The following RYR2 variants were observed in gnomAD, a reference collection of about 807,000 sequenced individuals.
The protein encoded by RYR2 is cardiac muscle ryanodine receptor-calcium release channel.
RYR2 carries 227 observed loss-of-function variants against 601.1 expected under a neutral mutation model. The observed-to-expected ratio is 0.38, with a 90% CI of 0.34 to 0.42. The LOEUF is 0.42. Ranked by LOEUF, RYR2 falls within the 10% of genes least tolerant of loss-of-function variation. RYR2 has a pLI of 1.00. For synonymous variants in RYR2, 2,223 were observed against 2,175.1 expected (o/e 1.02, Z -0.61); for missense variants, 4,646 against 6,156.5 (o/e 0.75, Z 8.21).
intron 1 of RYR2, among the ~76,000 whole-genome samples, chr1:237,065,313 A>G (rs1663450059): frequency 9.3e-6 from 1 of 107,324 alleles, no homozygotes; most frequent in Non-Finnish European, 1.7e-5. Flanking sequence ...GGAGTCTTGC[A>G]TTGTCGCCCA....
At chr1:237,563,985 A>G (rs1395509611) in intron 27 of RYR2, among the ~76,000 whole-genome samples, 3 of 152,144 alleles carry the variant, frequency 2.0e-5, no homozygotes, top group Admixed American at 2.0e-4. Context: ...TAGGAGTTAC[A>G]TCTATTAATG....
At position 237,433,036 on chromosome 1, in the gene RYR2, G is replaced by C. The variant is rs531231722; in HGVS notation, c.1006-8283G>C. Among the ~76,000 whole-genome samples, 602 of 146,110 alleles carry C rather than the reference G, an allele frequency of 4.1e-3. 2 individuals carry two copies. The highest frequency in any genetic ancestry group is 6.4e-3 in the Non-Finnish European group (434 of 67,348). On this transcript the variant is annotated intron_variant, in intron 12 of 104. Transcript: ENST00000366574. ...TAAAATGTTTAGGTGACTGTGTGTG[G>C]GGGGGGGTATCTTAAAGAAAAGAAC...
intron 1 of RYR2, among the ~76,000 whole-genome samples, chr1:237,170,172 A>T (rs188522592): frequency 3.0e-4 from 45 of 152,328 alleles, no homozygotes; most frequent in Admixed American, 2.6e-3. Context: ...GGAATTTGGG[A>T]GTAAAAAGGA....
intron 19 of RYR2, among the ~76,000 whole-genome samples, chr1:237,495,584 G>T (rs1199308491): frequency 6.6e-6 from 1 of 152,176 alleles, no homozygotes; most frequent in African/African-American, 2.4e-5. Flanking sequence ...TGCCGTTTAT[G>T]AGTGATATGT....
chr1:237,688,181 A>G (rs937209936), intron 63 of RYR2, among the ~76,000 whole-genome samples: 3 of 152,212 alleles, frequency 2.0e-5, no homozygotes, highest in Non-Finnish European at 4.4e-5. Context: ...GGCTGGTGGA[A>G]TTTGTGTTTC....
intron 1 of RYR2, among the ~76,000 whole-genome samples, chr1:237,171,488 C>A (rs1482583523): frequency 6.6e-6 from 1 of 152,052 alleles, no homozygotes; most frequent in Non-Finnish European, 1.5e-5. Flanking sequence ...AATCAGAATG[C>A]CTTTGATTTA....
At chr1:237,492,907 A>C in intron 18 of RYR2, 47 bp from the exon 19 acceptor site, 3 of 1,031,474 alleles carry the variant, frequency 2.9e-6, no homozygotes, top group Non-Finnish European at 3.8e-6. Context: ...GAGGGAGGGA[A>C]AGCAGGGAGG....
chr1:237,218,825 G>T (rs769885934), intron 1 of RYR2, among the ~76,000 whole-genome samples: 3 of 152,060 alleles, frequency 2.0e-5, no homozygotes, highest in Non-Finnish European at 4.4e-5. Flanking sequence ...GAGTCAGAGA[G>T]ACCTTAGCCT....
intron 44 of RYR2, among the ~76,000 whole-genome samples, chr1:237,637,604 C>T (rs766889001): frequency 1.6e-4 from 24 of 152,132 alleles, no homozygotes; most frequent in Non-Finnish European, 2.4e-4. Flanking sequence ...TTTTTCTCTA[C>T]GTATTTTCTC....
intron 1 of RYR2, among the ~76,000 whole-genome samples, chr1:237,256,477 C>G (rs1283627366): frequency 1.3e-5 from 2 of 152,146 alleles, no homozygotes; most frequent in Non-Finnish European, 2.9e-5. Flanking sequence ...AAGCTCCCTA[C>G]AAAGTCATCA....
chr1:237,792,960 T>G (rs1157297314), intron 94 of RYR2, among the ~76,000 whole-genome samples: 1 of 152,200 alleles, frequency 6.6e-6, no homozygotes, highest in African/African-American at 2.4e-5. Flanking sequence ...TAATGCAGCT[T>G]TATCCCCAGA....
chr1:237,809,227 C>T (rs1660999226), intron 100 of RYR2, among the ~76,000 whole-genome samples, 192 bp downstream of exon 100: 1 of 152,176 alleles, frequency 6.6e-6, no homozygotes, highest in Admixed American at 6.5e-5. Context: ...GTCAATTTTC[C>T]ATATGTGCTG....
chr1:237,308,430 A>C (rs1388040056), intron 2 of RYR2, among the ~76,000 whole-genome samples: 1 of 152,016 alleles, frequency 6.6e-6, no homozygotes, highest in African/African-American at 2.4e-5. Context: ...CTGCGCACTC[A>C]CCTTGAATTA....
At chr1:237,054,030 G>A (rs911801327) in intron 1 of RYR2, among the ~76,000 whole-genome samples, 35 of 152,244 alleles carry the variant, frequency 2.3e-4, no homozygotes, top group Admixed American at 1.7e-3. Context: ...TCTATAAAGC[G>A]GTTAATTGCA....
At chr1:237,562,114 A>G in intron 27 of RYR2, among the ~76,000 whole-genome samples, 1 of 152,238 alleles carries the variant, frequency 6.6e-6, no homozygotes, top group East Asian at 1.9e-4. Context: ...ATGCTTACAT[A>G]TTCCAGATAA....
Position 237,649,943 on chromosome 1 carries a change from T to C in RYR2, c.7579T>C (p.Leu2527=), listed in dbSNP as rs374086940. Residue 2527 remains leucine (L), a synonymous_variant, in exon 50 of 105, where the codon TTG becomes CTG. Coordinates refer to ENST00000366574, the MANE Select transcript of RYR2 (RefSeq NM_001035.3). ...NRYLCTAVLP[L]LTRCAPLFAG... ...GTACCTTTGCACAGCCGTCTTGCCA[T>C]TGTTAACAAGATGTGCTCCTCTCTT... 1 of 1,613,882 alleles carries C rather than the reference T, an allele frequency of 6.2e-7. No homozygotes were observed.
intron 1 of RYR2, among the ~76,000 whole-genome samples, chr1:237,259,332 A>ACT (rs1196027355): frequency 6.6e-6 from 1 of 151,536 alleles, no homozygotes; most frequent in Non-Finnish European, 1.5e-5. Context: ...ACATGATGAA[A>ACT]CTCTCTCTCT....
At position 237,268,698 on chromosome 1, in the gene RYR2, G is replaced by A. The variant is rs535817792; in HGVS notation, c.49-1799G>A. Among the ~76,000 whole-genome samples, 145 of 152,026 alleles carry A rather than the reference G, an allele frequency of 9.5e-4. 1 individual carries two copies. Among genetic ancestry groups the A allele is most frequent in the Non-Finnish European group, 1.8e-3 (123 of 67,996 alleles). On this transcript the variant is annotated intron_variant, in intron 1 of 104. Coordinates refer to ENST00000366574, the MANE Select transcript of RYR2 (RefSeq NM_001035.3). ...CACACCTGTAATCCCAGCACTTTGGGAGGCCGAGGCGGGCGGATCACGAGG... is the reference window on the plus strand; with the variant it reads ...CACACCTGTAATCCCAGCACTTTGGAAGGCCGAGGCGGGCGGATCACGAGG...
chr1:237,156,220 A>G (rs2038889), intron 1 of RYR2, among the ~76,000 whole-genome samples: 84,943 of 152,124 alleles, frequency 0.56, 24,771 homozygotes, highest in Non-Finnish European at 0.65. Flanking sequence ...ATCTATTCTC[A>G]GAAAGTTCTA....
Sources: allele counts gnomAD v4.1 joint callset (sites outside exome capture counted in the v4.1 genomes callset), GRCh38; gene constraint gnomAD v4.1.1; transcripts MANE v1.5; gene names NCBI Gene and HGNC (gene_info 2026-07-23, HGNC 2026-07-21).